CNTN4: variants seen among roughly 807,000 people sequenced by gnomAD.
CNTN4 encodes contactin-4.
CNTN4 carries 77 observed loss-of-function variants against 122.5 expected under a neutral mutation model. That is an observed-to-expected ratio of 0.63 (90% CI 0.52 to 0.76). The LOEUF is 0.76. CNTN4 is among the 30% of genes least tolerant of loss of function. CNTN4 has a pLI of 0.00. For missense variants in CNTN4, 1,256 were observed against 1,259.1 expected, an observed-to-expected ratio of 1.00 and a Z score of 0.04; for synonymous variants, 512 against 447.0, an observed-to-expected ratio of 1.15 and a Z score of -1.83.
rs151047600 is a variant in CNTN4 at position 2,207,227 on chromosome 3, A to C, written c.-145+106588A>C. ...TCCCTATTCTCTGAGACACAATAAT[A>C]TTGAAATTAGGCCGATTAATAACCC... On this transcript the variant is annotated intron_variant, in intron 2 of 24. Coordinates refer to ENST00000418658, the MANE Select transcript of CNTN4 (RefSeq NM_175607.3). 3.2e-4 allele frequency among the ~76,000 whole-genome samples: 49 copies of C among 152,062 alleles called. 1 individual carries two copies. The highest frequency in any genetic ancestry group is 1.1e-3 in the African/African-American group (44 of 41,518).
chr3:2,110,433 G>C (rs1202265978), intron 2 of CNTN4: 1 of 151,360 alleles, frequency 6.6e-6, no homozygotes, highest in African/African-American at 2.4e-5. Flanking sequence ...TTATATATTT[G>C]TTGTTCATTG....
At chr3:2,116,719 C>T (rs2033378752) in intron 2 of CNTN4, among the ~76,000 whole-genome samples, 1 of 152,096 alleles carries the variant, frequency 6.6e-6, no homozygotes, top group African/African-American at 2.4e-5. Flanking sequence ...TTGTGAAATG[C>T]ATGTTTCTGA....
At chr3:2,129,168 A>G (rs557212132) in intron 2 of CNTN4, among the ~76,000 whole-genome samples, 1 of 150,402 alleles carries the variant, frequency 6.6e-6, no homozygotes, top group Non-Finnish European at 1.5e-5. Context: ...CTGAGCTTTA[A>G]CATTTTTCAT....
intron 3 of CNTN4, among the ~76,000 whole-genome samples, chr3:2,350,732 A>G (rs1450504474): frequency 6.6e-6 from 1 of 152,212 alleles, no homozygotes; most frequent in Admixed American, 6.5e-5. Flanking sequence ...ATTGATGCTT[A>G]TACATTGAAT....
chr3:2,520,569 C>T (rs143409180), intron 3 of CNTN4, among the ~76,000 whole-genome samples: 125 of 152,092 alleles, frequency 8.2e-4, no homozygotes, highest in African/African-American at 2.9e-3. Flanking sequence ...TCACCACATC[C>T]AGCCCTTTTT....
intron 6 of CNTN4, among the ~76,000 whole-genome samples, chr3:2,799,570 C>G (rs2092295267): frequency 6.6e-6 from 1 of 152,056 alleles, no homozygotes; most frequent in South Asian, 2.1e-4. Context: ...TCAAGCGATT[C>G]TCCTGCCTCA....
intron 2 of CNTN4, among the ~76,000 whole-genome samples, chr3:2,322,911 T>C (rs968632583): frequency 6.6e-6 from 1 of 152,104 alleles, no homozygotes; most frequent in Non-Finnish European, 1.5e-5. Context: ...AGAGGAAAAG[T>C]TGCTGTCTCA....
chr3:2,535,485 A>T (rs971647743), intron 3 of CNTN4, among the ~76,000 whole-genome samples: 2 of 152,134 alleles, frequency 1.3e-5, no homozygotes, highest in African/African-American at 4.8e-5. Context: ...CATGTGAGGT[A>T]GGTAGCTGTT....
intron 3 of CNTN4, among the ~76,000 whole-genome samples, chr3:2,501,585 C>G (rs1288560007): frequency 6.6e-6 from 1 of 152,092 alleles, no homozygotes; most frequent in East Asian, 1.9e-4. Flanking sequence ...AGCAGTGTAC[C>G]ATCTTCAAAT....
At chr3:2,738,816 G>A (rs908494) in intron 5 of CNTN4, among the ~76,000 whole-genome samples, 34,015 of 151,748 alleles carry the variant, frequency 0.22, 3,970 homozygotes, top group Admixed American at 0.31. Flanking sequence ...AAAAGCAGAT[G>A]GGTTTACATA....
chr3:2,828,977 G>C (rs1230678028), intron 7 of CNTN4, among the ~76,000 whole-genome samples: 1 of 151,992 alleles, frequency 6.6e-6, no homozygotes, highest in African/African-American at 2.4e-5. Flanking sequence ...GGCCTCAAGC[G>C]ATCTTCCTAC....
At chr3:2,649,484 G>A (rs570551319) in intron 4 of CNTN4, among the ~76,000 whole-genome samples, 2 of 152,276 alleles carry the variant, frequency 1.3e-5, no homozygotes, top group South Asian at 4.1e-4. Context: ...ACAAAGCCTG[G>A]ATAACAGTAC....
At chr3:2,707,567 T>C (rs2086816916) in intron 4 of CNTN4, among the ~76,000 whole-genome samples, 1 of 152,180 alleles carries the variant, frequency 6.6e-6, no homozygotes, top group African/African-American at 2.4e-5. Flanking sequence ...CTTTTGGCAG[T>C]GGCAGGGAAG....
At chr3:2,378,016 A>G (rs1450918775) in intron 3 of CNTN4, among the ~76,000 whole-genome samples, 2 of 152,184 alleles carry the variant, frequency 1.3e-5, no homozygotes, top group East Asian at 1.9e-4. Flanking sequence ...AGTTGTCTGT[A>G]TGAGATGGCA....
intron 4 of CNTN4, among the ~76,000 whole-genome samples, chr3:2,671,168 A>G (rs917335861): frequency 6.6e-6 from 1 of 152,084 alleles, no homozygotes; most frequent in East Asian, 1.9e-4. Context: ...AGTTCTGGAT[A>G]ATATCCTGCA....
chr3:3,053,987 T>G lies in CNTN4; in HGVS notation c.2980+12T>G, dbSNP rs749344126. Reference sequence around the variant, plus strand: ...TCCAAAGATATCAAGTGAGAATGCCTTTTTTTCTCCCTTTTCTCCTGCCTG... The same window carrying G: ...TCCAAAGATATCAAGTGAGAATGCCGTTTTTTCTCCCTTTTCTCCTGCCTG... On this transcript the variant is annotated intron_variant, in intron 24 of 24. Transcript: ENST00000418658. The G allele has an allele frequency of 6.2e-7, 1 of 1,611,932 alleles. No individual in the cohort carries two copies.
At chr3:2,679,750 G>A (rs1201933461) in intron 4 of CNTN4, among the ~76,000 whole-genome samples, 2 of 152,054 alleles carry the variant, frequency 1.3e-5, no homozygotes, top group Non-Finnish European at 2.9e-5. Flanking sequence ...CTTATCTCCT[G>A]GGTCACTTCT....
chr3:2,766,170 C>G (rs57236666), intron 6 of CNTN4, among the ~76,000 whole-genome samples: 203 of 152,280 alleles, frequency 1.3e-3, no homozygotes, highest in African/African-American at 4.6e-3. Context: ...GTTAATGTGG[C>G]CTTCTTCAGT....
intron 14 of CNTN4, among the ~76,000 whole-genome samples, chr3:3,002,147 C>G (rs1008585669): frequency 6.6e-6 from 1 of 151,564 alleles, no homozygotes; most frequent in African/African-American, 2.4e-5. Flanking sequence ...TAACAGTGGC[C>G]ATGAAACAAC....
Sources: allele counts gnomAD v4.1 joint callset (sites outside exome capture counted in the v4.1 genomes callset), GRCh38; gene constraint gnomAD v4.1.1; transcripts MANE v1.5; gene names NCBI Gene and HGNC (gene_info 2026-07-23, HGNC 2026-07-21).